Variants in GPHN observed in about 807,000 individuals in gnomAD.
The protein encoded by GPHN is gephyrin.
GPHN carries 17 observed loss-of-function variants against 95.5 expected under a neutral mutation model. The ratio of observed to expected loss-of-function variants is 0.18; its 90% CI spans 0.12 to 0.27. The LOEUF (loss-of-function observed/expected upper bound fraction) is 0.27. GPHN is among the 10% of genes least tolerant of loss of function. The probability of loss-of-function intolerance (pLI) is 1.00; values close to 1 mark genes in which losing one functional copy is unlikely to be tolerated. For missense variants in GPHN, 660 were observed against 978.1 expected (o/e 0.67, Z 4.34); for synonymous variants, 320 against 322.5 (o/e 0.99, Z 0.08).
intron 1 of GPHN, among the ~76,000 whole-genome samples, chr14:66,525,726 C>G (rs143665011): frequency 1.6e-4 from 25 of 152,208 alleles, no homozygotes; most frequent in African/African-American, 5.8e-4. Context: ...GCCAGTTTTA[C>G]GAACACCATT....
chr14:67,485,181 G>A, the GPHN span, among the ~76,000 whole-genome samples: 1 of 152,188 alleles, frequency 6.6e-6, no homozygotes, highest in African/African-American at 2.4e-5. Flanking sequence ...CAGCCTTAAG[G>A]CTGATGGCAT....
the GPHN span, among the ~76,000 whole-genome samples, chr14:67,624,266 A>G: frequency 6.9e-6 from 1 of 145,812 alleles, no homozygotes; most frequent in African/African-American, 2.7e-5. Context: ...TTGCACTTTA[A>G]TGGGAAATCT....
chr14:66,996,230 A>G (rs1816685261), intron 9 of GPHN: 1 of 1,509,936 alleles, frequency 6.6e-7, no homozygotes, highest in Non-Finnish European at 8.9e-7. Flanking sequence ...TATATTTTGC[A>G]CGTGTTTTCT....
At chr14:67,473,247 C>T in the GPHN span, 5 of 845,652 alleles carry the variant, frequency 5.9e-6, no homozygotes, top group East Asian at 5.4e-5. The surrounding 1 kb of genome is among the most constrained non-coding windows in gnomAD (Gnocchi z 6.5). Flanking sequence ...CAACACCTGA[C>T]CACGGCCCCC....
chr14:67,687,372 C>A, the GPHN span, among the ~76,000 whole-genome samples: 7 of 152,046 alleles, frequency 4.6e-5, no homozygotes, highest in African/African-American at 1.7e-4. Context: ...CTTTCTACAA[C>A]CTACCAATGG....
downstream of GPHN, among the ~76,000 whole-genome samples, chr14:67,182,199 T>TGAGC (rs2083336077): frequency 6.6e-6 from 1 of 152,278 alleles, no homozygotes; most frequent in South Asian, 2.1e-4. Context: ...AAATTACAGA[T>TGAGC]GAGCGCCTCG....
intron 18 of GPHN, among the ~76,000 whole-genome samples, chr14:67,156,801 A>C (rs1231530898): frequency 6.6e-6 from 1 of 151,922 alleles, no homozygotes; most frequent in East Asian, 1.9e-4. Context: ...ACGTAATGAA[A>C]CCTCGTCTCT....
intron 3 of GPHN, among the ~76,000 whole-genome samples, chr14:66,821,024 A>G (rs2061170591): frequency 6.6e-6 from 1 of 152,190 alleles, no homozygotes; most frequent in African/African-American, 2.4e-5. Context: ...CACTTTTGCA[A>G]CAGATGCAGA....
the GPHN span, among the ~76,000 whole-genome samples, chr14:67,395,946 AC>A: frequency 6.6e-6 from 1 of 151,794 alleles, no homozygotes; most frequent in South Asian, 2.1e-4. Context: ...CTGAACACAA[AC>A]CCCAGCTCTG....
At chr14:66,578,210 T>C (rs2060986467) in intron 1 of GPHN, among the ~76,000 whole-genome samples, 1 of 151,092 alleles carries the variant, frequency 6.6e-6, no homozygotes, top group Non-Finnish European at 1.5e-5. Flanking sequence ...TAAGATTTGA[T>C]CAAGCAGAAG....
At chr14:67,196,192 TTTTC>T in the GPHN span, among the ~76,000 whole-genome samples, 5 of 151,954 alleles carry the variant, frequency 3.3e-5, no homozygotes, top group Non-Finnish European at 1.5e-5. Flanking sequence ...GGAGCTTTCT[TTTTC>T]TTTCCTTTCT....
chr14:66,887,959 CA>C (rs1198542540), intron 5 of GPHN, among the ~76,000 whole-genome samples: 5 of 152,092 alleles, frequency 3.3e-5, no homozygotes, highest in African/African-American at 1.2e-4. Context: ...CAGACATAAA[CA>C]GTGCCTTTGA....
At position 67,009,514 on chromosome 14, in the gene GPHN, T is replaced by G. The variant is rs573409679; in HGVS notation, c.964-14119T>G. Among the ~76,000 whole-genome samples the G allele has an allele frequency of 2.0e-5, 3 of 152,234 alleles. No individual in the cohort carries two copies. The South Asian group carries it at 6.2e-4, about 32-fold the overall frequency. On this transcript the variant is annotated intron_variant, in intron 9 of 22. Transcript: ENST00000478722. ...AACATAACGTTAATGGGTCTAGGGT[T>G]ACAGACTTGTGAATCTAGTTAGCTT...
At chr14:66,619,573 TC>T (rs1452339718) in intron 1 of GPHN, among the ~76,000 whole-genome samples, 1 of 152,048 alleles carries the variant, frequency 6.6e-6, no homozygotes, top group Non-Finnish European at 1.5e-5. Context: ...TTGAGTTTTT[TC>T]CTTATTGTTG....
At chr14:67,727,424 CTT>C in the GPHN span, 1 of 496,686 alleles carries the variant, frequency 2.0e-6, no homozygotes, top group Non-Finnish European at 3.7e-6. Flanking sequence ...CATCTTATCT[CTT>C]ATCTCATTTG....
the GPHN span, among the ~76,000 whole-genome samples, chr14:67,457,589 G>C: frequency 1.3e-5 from 2 of 152,194 alleles, no homozygotes; most frequent in Non-Finnish European, 2.9e-5. Flanking sequence ...CTGAGCAACA[G>C]AGAGAGACTT....
intron 1 of GPHN, among the ~76,000 whole-genome samples, chr14:66,610,213 T>C (rs1055985211): frequency 1.3e-5 from 2 of 152,114 alleles, no homozygotes; most frequent in African/African-American, 4.8e-5. Context: ...ATTTTTGGTG[T>C]TGTAATTTGG....
chr14:67,672,406 A>G, the GPHN span, among the ~76,000 whole-genome samples: 1 of 150,528 alleles, frequency 6.6e-6, no homozygotes, highest in East Asian at 1.9e-4. Context: ...GGTGTGAGCC[A>G]CCATGCCTGG....
intron 2 of GPHN, among the ~76,000 whole-genome samples, chr14:66,723,559 A>T (rs557802338): frequency 1.3e-5 from 2 of 152,222 alleles, no homozygotes; most frequent in African/African-American, 4.8e-5. Flanking sequence ...AAAAATCCTA[A>T]TAAACAAAAA....
Sources: gnomAD v4.1 joint callset for allele counts (sites outside exome capture counted in the v4.1 genomes callset) on GRCh38, gnomAD v4.1.1 for gene constraint, Gnocchi (gnomAD v3.1) non-coding constraint, MANE v1.5 for transcripts, NCBI Gene and HGNC (gene_info 2026-07-23, HGNC 2026-07-21) for gene names.